Variants in IMMP2L observed in about 807,000 individuals in gnomAD.
The protein encoded by IMMP2L is mitochondrial inner membrane protease subunit 2.
In IMMP2L, 18 loss-of-function variants were observed where a neutral mutation model predicts 19.3. The ratio of observed to expected loss-of-function variants is 0.93; its 90% CI spans 0.64 to 1.38. The LOEUF (loss-of-function observed/expected upper bound fraction) is 1.38, where lower values mean the gene tolerates loss of function less well. Among genes scored for constraint, IMMP2L ranks in the 40% most tolerant of loss-of-function variants. The pLI is 0.00. For synonymous variants in IMMP2L, 76 were observed against 73.0 expected (o/e 1.04, Z -0.21); for missense variants, 233 against 218.2 (o/e 1.07, Z -0.43).
chr7:110,804,380 T>A (rs1469510162), intron 5 of IMMP2L, among the ~76,000 whole-genome samples: 1 of 152,072 alleles, frequency 6.6e-6, no homozygotes, highest in Non-Finnish European at 1.5e-5. Context: ...TTGTTCTGTG[T>A]CCCTGAAGCA....
chr7:111,442,371 A>T (rs1837832475), intron 3 of IMMP2L, among the ~76,000 whole-genome samples: 1 of 151,782 alleles, frequency 6.6e-6, no homozygotes, highest in Admixed American at 6.6e-5. Flanking sequence ...TTGCCATTTC[A>T]ATCATTGGAA....
intron 3 of IMMP2L, among the ~76,000 whole-genome samples, chr7:111,384,268 G>T (rs1831510165): frequency 6.6e-6 from 1 of 150,554 alleles, no homozygotes; most frequent in Admixed American, 6.6e-5. Flanking sequence ...GGAGAAAGGA[G>T]AGAGGAGAAA....
chr7:110,807,903 C>A (rs1801740287), intron 5 of IMMP2L, among the ~76,000 whole-genome samples: 1 of 151,960 alleles, frequency 6.6e-6, no homozygotes, highest in Non-Finnish European at 1.5e-5. Flanking sequence ...TAGTTGATGA[C>A]AGAAATTGGC....
chr7:111,451,693 C>A, intron 3 of IMMP2L, among the ~76,000 whole-genome samples: 1 of 146,874 alleles, frequency 6.8e-6, no homozygotes. Context: ...GCACATGTAC[C>A]CTAAAACTTA....
At chr7:110,725,715 G>A (rs903854472) in intron 5 of IMMP2L, 1 of 152,186 alleles carries the variant, frequency 6.6e-6, no homozygotes, top group African/African-American at 2.4e-5. Flanking sequence ...GGTCCCCTGT[G>A]ACAAGGGTGG....
intron 3 of IMMP2L, among the ~76,000 whole-genome samples, chr7:111,176,532 C>G (rs559699483): frequency 1.3e-5 from 2 of 151,820 alleles, no homozygotes; most frequent in African/African-American, 4.8e-5. Flanking sequence ...AAAGACAAAT[C>G]TCATGTTTTC....
intron 3 of IMMP2L, among the ~76,000 whole-genome samples, chr7:111,100,436 TG>T (rs1797851537): frequency 6.8e-6 from 1 of 147,920 alleles, no homozygotes; most frequent in South Asian, 2.1e-4. Flanking sequence ...ATATATGTAA[TG>T]AAAATATATA....
At chr7:111,335,229 A>C (rs1826278193) in intron 3 of IMMP2L, among the ~76,000 whole-genome samples, 1 of 152,112 alleles carries the variant, frequency 6.6e-6, no homozygotes, top group Non-Finnish European at 1.5e-5. Context: ...CAGATCTTAC[A>C]TATTTAAAAC....
intron 3 of IMMP2L, among the ~76,000 whole-genome samples, chr7:110,969,434 T>C (rs1819908278): frequency 6.6e-6 from 1 of 151,976 alleles, no homozygotes. Context: ...GCACGGAGCT[T>C]TGTAGTTTCA....
At chr7:110,677,651 G>A (rs1389915143) in intron 5 of IMMP2L, among the ~76,000 whole-genome samples, 1 of 152,190 alleles carries the variant, frequency 6.6e-6, no homozygotes, top group East Asian at 1.9e-4. Context: ...AGGTATGTGA[G>A]CATCACGTGC....
At chr7:110,984,291 C>CAA (rs570938609) in intron 3 of IMMP2L, among the ~76,000 whole-genome samples, 2,796 of 130,552 alleles carry the variant, frequency 0.021, 79 homozygotes, top group African/African-American at 0.071. Context: ...TACTTATCAC[C>CAA]AAAAAAAAAA....
intron 3 of IMMP2L, among the ~76,000 whole-genome samples, chr7:111,093,652 G>C (rs554088121): frequency 2.0e-5 from 3 of 152,238 alleles, no homozygotes; most frequent in South Asian, 4.1e-4. Context: ...GGATTACAGA[G>C]ATCAGTAATG....
At chr7:110,981,542 A>G in intron 3 of IMMP2L, among the ~76,000 whole-genome samples, 1 of 151,724 alleles carries the variant, frequency 6.6e-6, no homozygotes, top group Middle Eastern at 3.4e-3. Flanking sequence ...CACTTAAAGA[A>G]AAAAAAAACC....
intron 3 of IMMP2L, among the ~76,000 whole-genome samples, chr7:111,011,859 T>C (rs1376352510): frequency 6.6e-6 from 1 of 152,168 alleles, no homozygotes; most frequent in Non-Finnish European, 1.5e-5. Flanking sequence ...TAGAAATTGC[T>C]ATGGCTCTGG....
intron 3 of IMMP2L, among the ~76,000 whole-genome samples, chr7:111,385,579 G>C (rs889539547): frequency 2.0e-5 from 3 of 152,236 alleles, no homozygotes; most frequent in Non-Finnish European, 2.9e-5. Flanking sequence ...GTTGTAACTA[G>C]AGAATGTTTG....
At chr7:111,016,166 C>G (rs944535036) in intron 3 of IMMP2L, among the ~76,000 whole-genome samples, 1 of 151,628 alleles carries the variant, frequency 6.6e-6, no homozygotes, top group Non-Finnish European at 1.5e-5. Flanking sequence ...GTTTTGACAT[C>G]TTATCTCAAC....
chr7:110,947,679 T>C (rs2129553721), intron 4 of IMMP2L, among the ~76,000 whole-genome samples: 1 of 152,334 alleles, frequency 6.6e-6, no homozygotes, highest in East Asian at 1.9e-4. Context: ...CTCCTCTTCA[T>C]GTTACAGTAA....
chr7:110,683,192 C>T (rs989959046), intron 5 of IMMP2L, among the ~76,000 whole-genome samples: 9 of 151,898 alleles, frequency 5.9e-5, no homozygotes, highest in Non-Finnish European at 1.3e-4. Flanking sequence ...TCAGGTAGTG[C>T]AGTTATACAT....
At chr7:111,414,068 A>T (rs1015438759) in intron 3 of IMMP2L, among the ~76,000 whole-genome samples, 1 of 151,662 alleles carries the variant, frequency 6.6e-6, no homozygotes, top group African/African-American at 2.4e-5. Context: ...AGTTTCAAAA[A>T]CACCCCCATG....
Sources: allele counts gnomAD v4.1 joint callset (sites outside exome capture counted in the v4.1 genomes callset), GRCh38; gene constraint gnomAD v4.1.1; transcripts MANE v1.5; gene names NCBI Gene and HGNC (gene_info 2026-07-23, HGNC 2026-07-21).